The following CTNNA3 variants were observed in gnomAD, a reference collection of about 807,000 sequenced individuals.
CTNNA3 encodes catenin alpha 3.
Under a neutral mutation model 95.7 loss-of-function variants are expected in CTNNA3, and 76 were observed. The observed-to-expected ratio is 0.79, with a 90% CI of 0.66 to 0.96. The LOEUF (loss-of-function observed/expected upper bound fraction) is 0.96. Ranked by LOEUF, CTNNA3 falls within the 40% of genes least tolerant of loss-of-function variation. The probability of loss-of-function intolerance (pLI) is 0.00; values close to 1 mark genes in which losing one functional copy is unlikely to be tolerated. For synonymous variants in CTNNA3, 431 were observed against 374.4 expected (o/e 1.15, Z -1.74); for missense variants, 1,191 against 1,089.8 (o/e 1.09, Z -1.31).
chr10:67,461,583 A>C (rs1847382994), intron 5 of CTNNA3, among the ~76,000 whole-genome samples: 1 of 152,224 alleles, frequency 6.6e-6, no homozygotes, highest in African/African-American at 2.4e-5. Flanking sequence ...ATAAATAGGG[A>C]AGCAAAAAGG....
intron 1 of CTNNA3, among the ~76,000 whole-genome samples, chr10:67,671,487 C>T (rs1397781772): frequency 6.6e-6 from 1 of 150,852 alleles, no homozygotes; most frequent in African/African-American, 2.5e-5. Flanking sequence ...TTAGGTATAT[C>T]TCCTAATGCT....
In CTNNA3 at chr10:66,891,463, T is replaced by TATC. The variant is rs940030995; in HGVS notation, c.1048-115942_1048-115940dup. On this transcript the variant is annotated intron_variant, in intron 7 of 17. Transcript: ENST00000433211. Reference sequence around the variant, plus strand: ...AGAATTTTGAAGGATATTTTGATTATATCATTCATCATTTTTAATCACATT... The same window carrying TATC: ...AGAATTTTGAAGGATATTTTGATTATATCATCATTCATCATTTTTAATCACATT... 4.1e-4 allele frequency among the ~76,000 whole-genome samples: 62 copies of TATC among 152,218 alleles called. 4 individuals are homozygous for TATC. Among genetic ancestry groups the TATC allele is most frequent in the Non-Finnish European group, 2.9e-5 (2 of 68,020 alleles).
At chr10:67,728,685 GTAAT>G (rs1384064731) in intron 1 of CTNNA3, among the ~76,000 whole-genome samples, 10 of 151,788 alleles carry the variant, frequency 6.6e-5, no homozygotes. Context: ...ATTAACATAT[GTAAT>G]TAATTTTTCA....
intron 1 of CTNNA3, among the ~76,000 whole-genome samples, chr10:67,728,143 T>C (rs1219228034): frequency 6.9e-6 from 1 of 145,790 alleles, no homozygotes; most frequent in African/African-American, 2.5e-5. Flanking sequence ...TATGTATATA[T>C]ATTATACTTT....
At chr10:67,650,177 G>C (rs1359103719) in intron 1 of CTNNA3, among the ~76,000 whole-genome samples, 1 of 152,144 alleles carries the variant, frequency 6.6e-6, no homozygotes, top group Non-Finnish European at 1.5e-5. Flanking sequence ...TTAGGAGTTA[G>C]GCAGTACCTC....
At chr10:67,624,290 T>C (rs1589502678) in intron 2 of CTNNA3, among the ~76,000 whole-genome samples, 1 of 152,166 alleles carries the variant, frequency 6.6e-6, no homozygotes, top group Non-Finnish European at 1.5e-5. Context: ...CACAGGCAGG[T>C]AGACTGAAGT....
At chr10:66,224,994 T>A (rs1161398869) in intron 13 of CTNNA3, among the ~76,000 whole-genome samples, 2 of 152,130 alleles carry the variant, frequency 1.3e-5, no homozygotes, top group Admixed American at 6.5e-5. Context: ...GAAATCAGAA[T>A]AATTATATTT....
At chr10:67,602,180 G>T (rs1378633012) in intron 3 of CTNNA3, among the ~76,000 whole-genome samples, 1 of 83,848 alleles carries the variant, frequency 1.2e-5, no homozygotes. Flanking sequence ...TATGCCACTG[G>T]ACAAATACCT....
chr10:67,252,126 G>A (rs146148680), intron 5 of CTNNA3, among the ~76,000 whole-genome samples: 204 of 150,874 alleles, frequency 1.4e-3, no homozygotes, highest in Middle Eastern at 0.01. Flanking sequence ...TGGGAGAATC[G>A]TTTGAACCCA....
chr10:66,434,480 T>C (rs931057001), intron 11 of CTNNA3, among the ~76,000 whole-genome samples: 3 of 152,186 alleles, frequency 2.0e-5, no homozygotes, highest in Non-Finnish European at 4.4e-5. Context: ...CTTGAGATTT[T>C]TGCACATTGA....
intron 13 of CTNNA3, among the ~76,000 whole-genome samples, chr10:66,274,204 T>C (rs1156496197): frequency 6.6e-6 from 1 of 150,752 alleles, no homozygotes; most frequent in Admixed American, 6.6e-5. Flanking sequence ...GTCATAGATA[T>C]AAACCAATGG....
chr10:67,350,759 T>G (rs1842601922), intron 5 of CTNNA3, among the ~76,000 whole-genome samples: 1 of 151,450 alleles, frequency 6.6e-6, no homozygotes, highest in South Asian at 2.1e-4. Context: ...GAATAGAAAA[T>G]GGCATAGCCC....
At chr10:66,739,049 C>G (rs1164866521) in intron 9 of CTNNA3, among the ~76,000 whole-genome samples, 2 of 152,106 alleles carry the variant, frequency 1.3e-5, no homozygotes, top group African/African-American at 2.4e-5. Flanking sequence ...TCTCAGTCAC[C>G]CATAGACCTG....
At chr10:66,937,438 T>C (rs1847768895) in intron 7 of CTNNA3, among the ~76,000 whole-genome samples, 1 of 152,170 alleles carries the variant, frequency 6.6e-6, no homozygotes, top group Non-Finnish European at 1.5e-5. Context: ...ACATAATACT[T>C]TCTCCTTCCC....
intron 13 of CTNNA3, among the ~76,000 whole-genome samples, chr10:66,114,832 T>A (rs993272164): frequency 4.0e-5 from 6 of 149,160 alleles, no homozygotes; most frequent in Non-Finnish European, 8.9e-5. Flanking sequence ...TGAGCCAAGA[T>A]CACCCCACTG....
chr10:66,720,616 T>G (rs1212173987), intron 9 of CTNNA3, among the ~76,000 whole-genome samples: 1 of 152,076 alleles, frequency 6.6e-6, no homozygotes, highest in East Asian at 1.9e-4. Flanking sequence ...GTGGATCACC[T>G]GAGGTCAGGA....
chr10:67,492,834 A>C (rs562160195), intron 5 of CTNNA3, among the ~76,000 whole-genome samples: 1 of 152,204 alleles, frequency 6.6e-6, no homozygotes, highest in Admixed American at 6.5e-5. Context: ...AACAACTGCT[A>C]ATAAAACCAT....
chr10:67,088,376 A>G (rs1416366058), intron 7 of CTNNA3, among the ~76,000 whole-genome samples: 3 of 151,946 alleles, frequency 2.0e-5, no homozygotes, highest in Non-Finnish European at 1.5e-5. Flanking sequence ...GCATATAGCC[A>G]ATCCATATTT....
intron 11 of CTNNA3, among the ~76,000 whole-genome samples, chr10:66,429,579 G>C (rs1379941274): frequency 6.6e-6 from 1 of 152,180 alleles, no homozygotes; most frequent in Admixed American, 6.5e-5. Flanking sequence ...TCATCCCTGG[G>C]ATGCAAGGCT....
Sources: gnomAD v4.1 joint callset for allele counts (sites outside exome capture counted in the v4.1 genomes callset) on GRCh38, gnomAD v4.1.1 for gene constraint, MANE v1.5 for transcripts, NCBI Gene and HGNC (gene_info 2026-07-23, HGNC 2026-07-21) for gene names.